PLEKHA8: variants seen among roughly 807,000 people sequenced by gnomAD.
PLEKHA8 encodes pleckstrin homology domain-containing family A member 8.
A neutral mutation model predicts 68.2 loss-of-function variants in PLEKHA8; 36 were observed. The ratio of observed to expected loss-of-function variants is 0.53; its 90% CI spans 0.40 to 0.70. PLEKHA8 has a LOEUF of 0.70. Ranked by LOEUF, PLEKHA8 falls within the 30% of genes least tolerant of loss-of-function variation. PLEKHA8 has a pLI of 0.00. For synonymous variants in PLEKHA8, 211 were observed against 216.1 expected (o/e 0.98, Z 0.20); for missense variants, 505 against 615.4 (o/e 0.82, Z 1.90).
intron 13 of PLEKHA8, among the ~76,000 whole-genome samples, chr7:30,106,576 A>G (rs562105712): frequency 6.6e-6 from 1 of 152,202 alleles, no homozygotes; most frequent in Admixed American, 6.5e-5. Context: ...GACCAATATC[A>G]CACTATTAGG....
At chr7:30,130,025 A>G (rs1796847191), downstream of PLEKHA8, 1 of 152,290 alleles carries the variant, frequency 6.6e-6, no homozygotes, top group African/African-American at 2.4e-5. Flanking sequence ...TGGACGTGTC[A>G]TAAGAGATAA....
chr7:30,051,818 C>T (rs1019448964), intron 6 of PLEKHA8, among the ~76,000 whole-genome samples: 1 of 152,062 alleles, frequency 6.6e-6, no homozygotes, highest in African/African-American at 2.4e-5. Flanking sequence ...ACTAAAAATG[C>T]AAAAATTAAC....
chr7:30,076,389 T>C (rs1025778891), intron 13 of PLEKHA8, among the ~76,000 whole-genome samples: 6 of 152,232 alleles, frequency 3.9e-5, no homozygotes, highest in African/African-American at 1.4e-4. Flanking sequence ...ATATGCATTT[T>C]TGAATAAAAT....
intron 1 of PLEKHA8, among the ~76,000 whole-genome samples, chr7:30,043,761 G>A (rs1022115620): frequency 2.6e-5 from 4 of 152,146 alleles, no homozygotes; most frequent in African/African-American, 9.7e-5. Context: ...GGTGCTCCAG[G>A]AAGTTCAGTA....
Position 30,081,008 on chromosome 7 carries a change from G to T in PLEKHA8, c.*2221G>T, listed in dbSNP as rs1794906372. ...GGTGAACTCTGTGGTCTCTTGGAGA[G>T]GTAGCACTCTGAAAATACCTCAGGT... is the stretch of plus-strand genomic sequence containing the variant. On this transcript the variant is annotated 3_prime_UTR_variant, in exon 14 of 14. Transcript: ENST00000449726. The T allele has an allele frequency of 1.0e-6, 1 of 985,340 alleles. No homozygotes were observed. Among genetic ancestry groups the T allele is most frequent in the African/African-American group, 1.7e-5 (1 of 57,338 alleles). 61.0% of individuals were successfully genotyped at this position (985,340 alleles called of 1,614,324 possible). A position where few individuals can be genotyped will look rare whatever the true frequency, so the allele number is the denominator to read the frequency against.
intron 13 of PLEKHA8, among the ~76,000 whole-genome samples, chr7:30,075,590 A>T (rs1465334060): frequency 1.3e-5 from 2 of 152,182 alleles, no homozygotes; most frequent in African/African-American, 2.4e-5. Flanking sequence ...GTGAAGACAC[A>T]ATCACTGAGA....
At chr7:30,105,311 TAAAAAAAAAAA>T (rs59891172) in intron 13 of PLEKHA8, among the ~76,000 whole-genome samples, 3 of 53,730 alleles carry the variant, frequency 5.6e-5, no homozygotes, top group Admixed American at 5.0e-4. Context: ...TCTCTATAAT[TAAAAAAAAAAA>T]AAAAAAAAAA....
At chr7:30,040,769 T>C (rs1791469478) in intron 1 of PLEKHA8, among the ~76,000 whole-genome samples, 1 of 152,120 alleles carries the variant, frequency 6.6e-6, no homozygotes, top group Non-Finnish European at 1.5e-5. Context: ...CGCTACCCCG[T>C]CCCTGGCAAT....
intron 9 of PLEKHA8, among the ~76,000 whole-genome samples, chr7:30,056,306 C>CTATATA (rs1215690448): frequency 4.4e-5 from 4 of 90,242 alleles, no homozygotes; most frequent in African/African-American, 1.1e-4. Context: ...CTCTCTCTCT[C>CTATATA]TCTCTCTATA....
Position 30,123,024 on chromosome 7 carries a change from T to TC in PLEKHA8, c.1363-6234dup, listed in dbSNP as rs914433238. 2.3e-3 allele frequency among the ~76,000 whole-genome samples: 341 copies of TC among 151,324 alleles called. 2 individuals are homozygous for TC. Among genetic ancestry groups the TC allele is most frequent in the African/African-American group, 6.6e-3 (272 of 41,240 alleles). Reference sequence around the variant, plus strand: ...CTTTTATACAAAGGTCTCCTGACTTTCCCCCCCCTAAGCTAGCTTGAATGA... The same window carrying TC: ...CTTTTATACAAAGGTCTCCTGACTTTCCCCCCCCCTAAGCTAGCTTGAATGA... On this transcript the variant is annotated intron_variant, in intron 13 of 13. Transcript: ENST00000396257.
intron 13 of PLEKHA8, among the ~76,000 whole-genome samples, chr7:30,108,672 G>A (rs1796158987): frequency 1.3e-5 from 2 of 152,078 alleles, no homozygotes; most frequent in Non-Finnish European, 2.9e-5. Context: ...AAGTAGAATT[G>A]TGCATAAATG....
rs959916461 is a variant in PLEKHA8, at chr7:30,079,920, A to ACCC, written c.*1133_*1134insCCC. On this transcript the variant is annotated 3_prime_UTR_variant, in exon 14 of 14. Transcript: ENST00000449726. ...GTCCTTTTTTTTTTTTTCAAAGAGGATAAGGCTGCTATTTAAATAAAATAG... is the reference window on the plus strand; with the variant it reads ...GTCCTTTTTTTTTTTTTCAAAGAGGACCCTAAGGCTGCTATTTAAATAAAATAG... 5.1e-6 allele frequency: 5 copies of ACCC among 980,416 alleles called. No individual in the cohort carries two copies. The highest frequency in any genetic ancestry group is 1.2e-4 in the Admixed American group (2 of 16,044). 60.7% of individuals were successfully genotyped at this position (980,416 alleles called of 1,614,324 possible).
rs796845171 is a variant in PLEKHA8 at position 30,056,312 on chromosome 7, C to CTCTCTCTATATA, written c.1039+971_1039+972insCTCTCTATATAT. 8.9e-3 allele frequency among the ~76,000 whole-genome samples: 838 copies of CTCTCTCTATATA among 94,488 alleles called. 21 individuals carry two copies. The highest frequency in any genetic ancestry group is 0.011 in the Middle Eastern group (2 of 180). The allele number at this position is 94,488 out of a possible 152,430, so 62.0% of individuals were successfully genotyped here. A position where few individuals can be genotyped will look rare whatever the true frequency, so the allele number is the denominator to read the frequency against. On this transcript the variant is annotated intron_variant, in intron 9 of 13. Coordinates refer to ENST00000449726, the MANE Select transcript of PLEKHA8 (RefSeq NM_001197026.2). The stretch of plus-strand genomic sequence containing the variant: ...TCTCTCTCTCTCTCTCTCTCTCTCT[C>CTCTCTCTATATA]TATATATATATATATATATAAATAA...
At chr7:30,109,673 CTTTTTT>C (rs543389360) in intron 13 of PLEKHA8, among the ~76,000 whole-genome samples, 1 of 102,084 alleles carries the variant, frequency 9.8e-6, no homozygotes, top group African/African-American at 3.5e-5. Flanking sequence ...TTTTCTTTTT[CTTTTTT>C]TTTTTTTTTA....
rs1447720252 is a variant in PLEKHA8, at chr7:30,028,617, G to GCCGGGCGTCCCCACACCGGGC, written c.-138_-118dup. The GCCGGGCGTCCCCACACCGGGC allele has an allele frequency of 1.9e-6, 1 of 515,990 alleles. No individual in the cohort carries two copies. The highest frequency in any genetic ancestry group is 3.0e-6 in the Non-Finnish European group (1 of 336,678). The allele number at this position is 515,990 out of a possible 1,614,324, so 32.0% of individuals were successfully genotyped here. ...CCCCCGGGCCGAGGATGTGAGGCGG[G>GCCGGGCGTCCCCACACCGGGC]CCGGGCGTCCCCACACCGGGCCCGG... On this transcript the variant is annotated 5_prime_UTR_variant, in exon 1 of 14. Coordinates refer to ENST00000449726, the MANE Select transcript of PLEKHA8 (RefSeq NM_001197026.2).
In PLEKHA8 at chr7:30,082,913, C is replaced by G. The variant is rs1471779716; in HGVS notation, c.*4126C>G. On this transcript the variant is annotated 3_prime_UTR_variant, in exon 14 of 14. Transcript: ENST00000449726. Reference sequence around the variant, plus strand: ...TTTTTTCCTAGCAAACTACCATGTCCTACAAGAACTTGGTTATATAATGGT... The same window carrying G: ...TTTTTTCCTAGCAAACTACCATGTCGTACAAGAACTTGGTTATATAATGGT... The G allele has an allele frequency of 2.0e-6, 2 of 985,184 alleles. No individual in the cohort carries two copies. The highest frequency in any genetic ancestry group is 2.4e-6 in the Non-Finnish European group (2 of 829,892). The allele number at this position is 985,184 out of a possible 1,614,324, so 61.0% of individuals were successfully genotyped here. A position where few individuals can be genotyped will look rare whatever the true frequency, so the allele number is the denominator to read the frequency against.
downstream of PLEKHA8, among the ~76,000 whole-genome samples, chr7:30,095,245 T>G (rs570743045): frequency 6.6e-6 from 1 of 152,348 alleles, no homozygotes; most frequent in African/African-American, 2.4e-5. Context: ...TATCTCATTG[T>G]GGTTTTGATT....
chr7:30,042,519 G>A (rs532044785), intron 1 of PLEKHA8, among the ~76,000 whole-genome samples: 14 of 152,300 alleles, frequency 9.2e-5, no homozygotes, highest in South Asian at 2.1e-4. Flanking sequence ...ACCAGCCAGC[G>A]TCATGGGAGT....
At chr7:30,110,572 G>C (rs761964949) in intron 13 of PLEKHA8, among the ~76,000 whole-genome samples, 4 of 152,184 alleles carry the variant, frequency 2.6e-5, no homozygotes, top group Non-Finnish European at 5.9e-5. Flanking sequence ...TATGGTAACT[G>C]TGTTTAACAT....
Sources: gnomAD v4.1 joint callset for allele counts (sites outside exome capture counted in the v4.1 genomes callset) on GRCh38, gnomAD v4.1.1 for gene constraint, MANE v1.5 for transcripts, NCBI Gene and HGNC (gene_info 2026-07-23, HGNC 2026-07-21) for gene names.